FSTL4: variants seen among roughly 807,000 people sequenced by gnomAD.
The protein encoded by FSTL4 is follistatin like 4, also known as follistatin-related protein 4.
Under a neutral mutation model 78.2 loss-of-function variants are expected in FSTL4, and 28 were observed. That is an observed-to-expected ratio of 0.36 (90% confidence interval 0.27 to 0.49). FSTL4 has a LOEUF of 0.49. Ranked by LOEUF, FSTL4 falls within the 20% of genes least tolerant of loss-of-function variation. The pLI is 0.98. For missense variants in FSTL4, 922 were observed against 1,084.9 expected, an observed-to-expected ratio of 0.85 and a Z score of 2.11; for synonymous variants, 422 against 440.5, an observed-to-expected ratio of 0.96 and a Z score of 0.53.
chr5:133,349,336 T>TGTGTGTGTGTGTGTG (rs1580639239), intron 4 of FSTL4, among the ~76,000 whole-genome samples: 3 of 151,700 alleles, frequency 2.0e-5, no homozygotes, highest in East Asian at 1.9e-4. Flanking sequence ...TGTGTGTGTG[T>TGTGTGTGTGTGTGTG]TTCTCCATGT....
At chr5:133,684,273 C>A in the FSTL4 span, among the ~76,000 whole-genome samples, 1 of 152,246 alleles carries the variant, frequency 6.6e-6, no homozygotes, top group African/African-American at 2.4e-5. Context: ...GCCCTGCACC[C>A]TCACCTTCCT....
intron 6 of FSTL4, among the ~76,000 whole-genome samples, chr5:133,311,244 C>T (rs1481046676): frequency 6.6e-6 from 1 of 152,102 alleles, no homozygotes; most frequent in Admixed American, 6.5e-5. Flanking sequence ...TCTCTTTGGC[C>T]CACAAGACAA....
intron 6 of FSTL4, among the ~76,000 whole-genome samples, chr5:133,264,823 T>C (rs2126839443): frequency 6.6e-6 from 1 of 152,316 alleles, no homozygotes; most frequent in East Asian, 1.9e-4. Flanking sequence ...CTCTGCCATC[T>C]GTCAGTTTGG....
the FSTL4 span, among the ~76,000 whole-genome samples, chr5:133,639,064 T>C: frequency 5.3e-5 from 8 of 152,286 alleles, no homozygotes; most frequent in East Asian, 1.2e-3. Context: ...GCTGCACTTA[T>C]CAACTCGTCA....
chr5:133,462,058 A>G lies in FSTL4; in HGVS notation c.161-61072T>C, dbSNP rs371000219. On this transcript the variant is annotated intron_variant, in intron 3 of 15. Coordinates refer to ENST00000265342, the MANE Select transcript of FSTL4 (RefSeq NM_015082.2). ...AAGTGGGGGCCATCTGCTTTCAAAA[A>G]CCATCTGACCTCACCTGAGTCCATC... Among the ~76,000 whole-genome samples, 106 of 152,250 alleles carry G rather than the reference A, an allele frequency of 7.0e-4. 3 individuals are homozygous for G. The South Asian group carries it at 0.022, about 31-fold the overall frequency.
At position 133,221,891 on chromosome 5, in the gene FSTL4, G is replaced by GTTTTTTTTTTTTTGTTTTTTTT. The variant is rs1751119949; in HGVS notation, c.1340-1026_1340-1025insAAAAAAAACAAAAAAAAAAAAA. On this transcript the variant is annotated intron_variant, in intron 11 of 15. Coordinates refer to ENST00000265342, the MANE Select transcript of FSTL4 (RefSeq NM_015082.2). ...AATATGTAGAAAAATCTCTTTTCTA[G>GTTTTTTTTTTTTTGTTTTTTTT]TTTTTTTTTTTTTTTTTTTTTTTTT... 1.6e-4 allele frequency among the ~76,000 whole-genome samples: 7 copies of GTTTTTTTTTTTTTGTTTTTTTT among 43,360 alleles called. 1 individual carries two copies. The highest frequency in any genetic ancestry group is 3.0e-4 in the Admixed American group (1 of 3,312). 28.4% of individuals were successfully genotyped at this position (43,360 alleles called of 152,430 possible). A position where few individuals can be genotyped will look rare whatever the true frequency, so the allele number is the denominator to read the frequency against.
chr5:133,296,102 C>T (rs1172452265), intron 6 of FSTL4, among the ~76,000 whole-genome samples: 2 of 152,222 alleles, frequency 1.3e-5, no homozygotes, highest in Non-Finnish European at 2.9e-5. Context: ...ACCTCCTCCA[C>T]CCATGGTCTC....
At chr5:133,306,784 GC>G (rs1753668212) in intron 6 of FSTL4, among the ~76,000 whole-genome samples, 1 of 152,166 alleles carries the variant, frequency 6.6e-6, no homozygotes, top group African/African-American at 2.4e-5. Flanking sequence ...CTTCCTGGGT[GC>G]CATACCCCAT....
the FSTL4 span, among the ~76,000 whole-genome samples, chr5:133,733,947 G>A: frequency 6.6e-6 from 1 of 152,212 alleles, no homozygotes; most frequent in African/African-American, 2.4e-5. Context: ...CTCCCCATGT[G>A]GACGTTTCTG....
the FSTL4 span, among the ~76,000 whole-genome samples, chr5:133,829,844 G>A: frequency 9.0e-4 from 137 of 152,260 alleles, 1 homozygote; most frequent in Middle Eastern, 3.4e-3. Flanking sequence ...CAGGGCGGCC[G>A]GTCAGCTTCC....
rs67110507 is a variant in FSTL4 at position 133,375,291 on chromosome 5, C to CATATATATATGTATGTGTGTATATAT, written c.409+25446_409+25447insATATATACACACATACATATATATAT. 1.0e-4 allele frequency among the ~76,000 whole-genome samples: 6 copies of CATATATATATGTATGTGTGTATATAT among 57,950 alleles called. 2 individuals are homozygous for CATATATATATGTATGTGTGTATATAT. Among genetic ancestry groups the CATATATATATGTATGTGTGTATATAT allele is most frequent in the African/African-American group, 2.6e-4 (6 of 22,856 alleles). 38.0% of individuals were successfully genotyped at this position (57,950 alleles called of 152,430 possible). ...AACCCAAAACATAGGGTGTGCATGG[C>CATATATATATGTATGTGTGTATATAT]ATATATATATATATATATATAAAAG... On this transcript the variant is annotated intron_variant, in intron 4 of 15. Transcript: ENST00000265342.
chr5:133,605,319 G>A (rs1760955122), intron 1 of FSTL4, among the ~76,000 whole-genome samples: 1 of 152,152 alleles, frequency 6.6e-6, no homozygotes, highest in Non-Finnish European at 1.5e-5. Flanking sequence ...AGACACCGGA[G>A]CTCCTTGGAG....
At chr5:133,594,213 G>A (rs992884780) in intron 2 of FSTL4, among the ~76,000 whole-genome samples, 2 of 144,794 alleles carry the variant, frequency 1.4e-5, no homozygotes, top group African/African-American at 5.0e-5. Flanking sequence ...TTTTTATTGA[G>A]ACAGTCTCAC....
intron 8 of FSTL4, among the ~76,000 whole-genome samples, chr5:133,232,583 G>A (rs547187108): frequency 6.6e-6 from 1 of 152,290 alleles, no homozygotes; most frequent in Non-Finnish European, 1.5e-5. Context: ...CATTTCCCAA[G>A]CATTATATAC....
chr5:133,353,230 G>C (rs1473832750), intron 4 of FSTL4, among the ~76,000 whole-genome samples: 2 of 152,172 alleles, frequency 1.3e-5, no homozygotes, highest in Non-Finnish European at 2.9e-5. Flanking sequence ...ATAGCATTTT[G>C]GTTAGCTCCG....
the FSTL4 span, among the ~76,000 whole-genome samples, chr5:133,767,840 G>T: frequency 1.3e-5 from 2 of 152,180 alleles, no homozygotes; most frequent in African/African-American, 2.4e-5. Flanking sequence ...GGATGGATAG[G>T]GCTCTGCAGG....
At chr5:133,569,664 G>GT (rs1404743249) in intron 2 of FSTL4, among the ~76,000 whole-genome samples, 1 of 151,952 alleles carries the variant, frequency 6.6e-6, no homozygotes, top group Non-Finnish European at 1.5e-5. Flanking sequence ...CTTTTCTCTG[G>GT]CATTTAAGGA....
chr5:133,226,224 T>A (rs1312900975), intron 8 of FSTL4, among the ~76,000 whole-genome samples: 1 of 152,262 alleles, frequency 6.6e-6, no homozygotes, highest in Non-Finnish European at 1.5e-5. Context: ...GCAGGAAATG[T>A]ATCAGAAAGC....
chr5:133,737,602 CTTTT>C, the FSTL4 span, among the ~76,000 whole-genome samples: 2 of 117,632 alleles, frequency 1.7e-5, no homozygotes, highest in Admixed American at 9.3e-5. Context: ...GGCTGATTTC[CTTTT>C]TTTTTTTTTT....
Sources: gnomAD v4.1 joint callset for allele counts (sites outside exome capture counted in the v4.1 genomes callset) on GRCh38, gnomAD v4.1.1 for gene constraint, MANE v1.5 for transcripts, NCBI Gene and HGNC (gene_info 2026-07-23, HGNC 2026-07-21) for gene names.